Variants in TRIM2 observed in about 807,000 individuals in gnomAD.
The protein encoded by TRIM2 is tripartite motif containing 2, also known as tripartite motif-containing protein 2.
In TRIM2, 20 loss-of-function variants were observed where a neutral mutation model predicts 75.2. That is an observed-to-expected ratio of 0.27 (90% CI 0.19 to 0.39). The LOEUF (loss-of-function observed/expected upper bound fraction) is 0.39. Ranked by LOEUF, TRIM2 falls within the 10% of genes least tolerant of loss-of-function variation. The pLI is 1.00. For missense variants in TRIM2, 660 were observed against 990.8 expected (o/e 0.67, Z 4.48); for synonymous variants, 373 against 388.3 (o/e 0.96, Z 0.46).
intron 1 of TRIM2, among the ~76,000 whole-genome samples, chr4:153,238,121 G>T (rs762842481): frequency 6.6e-6 from 1 of 152,086 alleles, no homozygotes; most frequent in Non-Finnish European, 1.5e-5. Flanking sequence ...TTGTCCTTCT[G>T]CCCCTCTCCC....
At chr4:153,320,973 A>G (rs1002218016) in intron 8 of TRIM2, among the ~76,000 whole-genome samples, 2 of 152,092 alleles carry the variant, frequency 1.3e-5, no homozygotes, top group Non-Finnish European at 2.9e-5. Context: ...CTTCCCTCCA[A>G]CACGTCAAGC....
intron 6 of TRIM2, among the ~76,000 whole-genome samples, chr4:153,304,673 A>G (rs1256981368): frequency 1.3e-5 from 2 of 152,112 alleles, no homozygotes; most frequent in Non-Finnish European, 2.9e-5. Context: ...AGTGTGGTCC[A>G]TAAACCACAT....
rs1447508103 is a variant in TRIM2 at position 153,276,060 on chromosome 4, C to A, written c.383C>A (p.Ser128Tyr). 6.2e-7 allele frequency: 1 copy of A among 1,614,244 alleles called. No homozygotes were observed. Among genetic ancestry groups the A allele is most frequent in the East Asian group, 2.2e-5 (1 of 44,892 alleles). Residue 128 changes from serine to tyrosine, a missense_variant, in exon 3 of 12, where the codon TCT (serine) becomes TAT (tyrosine). Physicochemically the swap from Ser to Tyr is moderately radical, Grantham distance 144 (BLOSUM62 -2). Around this residue, in one of 2 missense-constraint regions of TRIM2, gnomAD observed 620 missense variants for 891.0 expected, o/e 0.70. Coordinates refer to ENST00000338700, the MANE Select transcript of TRIM2 (RefSeq NM_015271.5). ...ACTCCAGGCAGCAACGCTGAGGAGT[C>A]TTCCATCCTGGAGACAGTCACTGCT... is the stretch of plus-strand genomic sequence containing the variant. The part of the protein sequence containing the change: ...QRTPGSNAEE[S>Y]SILETVTAVA...
Position 153,294,390 on chromosome 4 carries a change from A to G in TRIM2, c.691A>G (p.Ile231Val). 6.2e-7 allele frequency: 1 copy of G among 1,614,168 alleles called. No individual in the cohort carries two copies. Among genetic ancestry groups the G allele is most frequent in the Non-Finnish European group, 8.5e-7 (1 of 1,180,030 alleles). Residue 231 changes from isoleucine (I) to valine (V), a missense_variant, in exon 5 of 12, where the codon ATT becomes GTT. Ile to Val is a conservative substitution (Grantham distance 29). This residue lies in a region of TRIM2 where 620 missense variants were observed against 891.0 expected (regional missense o/e 0.70). Coordinates refer to ENST00000338700, the MANE Select transcript of TRIM2 (RefSeq NM_015271.5). ...CCAAAAGGCCAGCATCGTGGATGACATTCATTCCACCTTTGATGAGCTCCA... is the reference window on the plus strand; with the variant it reads ...CCAAAAGGCCAGCATCGTGGATGACGTTCATTCCACCTTTGATGAGCTCCA... ...TNQKASIVDD[I>V]HSTFDELQKT...
intron 1 of TRIM2, among the ~76,000 whole-genome samples, chr4:153,244,269 T>C (rs1381097544): frequency 0.027 from 193 of 7,140 alleles, 2 homozygotes; most frequent in African/African-American, 0.098. Flanking sequence ...CTCCTCCTCC[T>C]CCTCCTCCTC....
chr4:153,334,684 T>TC, intron 11 of TRIM2, 130 bp from the exon 12 acceptor site: 1 of 830,854 alleles, frequency 1.2e-6, no homozygotes, highest in Non-Finnish European at 1.8e-6. Context: ...CCAGCCTGGG[T>TC]GTCAGAGTGA....
chr4:153,335,563 G>C lies in TRIM2; in HGVS notation c.*597G>C, dbSNP rs1207616111. The C allele has an allele frequency of 1.0e-6, 1 of 985,280 alleles. No individual in the cohort carries two copies. The highest frequency in any genetic ancestry group is 1.2e-6 in the Non-Finnish European group (1 of 829,926). 61.0% of individuals were successfully genotyped at this position (985,280 alleles called of 1,614,324 possible). A position where few individuals can be genotyped will look rare whatever the true frequency, so the allele number is the denominator to read the frequency against. ...TCTGGAGTTCAGAACTTAAGTATCA[G>C]TGCAAATTTCTCAACCTTTCTGGGT... On this transcript the variant is annotated 3_prime_UTR_variant, in exon 12 of 12. Transcript: ENST00000338700.
intron 1 of TRIM2, among the ~76,000 whole-genome samples, chr4:153,262,316 G>C (rs1403894263): frequency 6.6e-6 from 1 of 152,148 alleles, no homozygotes; most frequent in East Asian, 1.9e-4. Context: ...CAGGGGGCTA[G>C]GGAATGGGGA....
intron 1 of TRIM2, among the ~76,000 whole-genome samples, chr4:153,187,475 A>T (rs2149650852): frequency 6.6e-6 from 1 of 152,294 alleles, no homozygotes; most frequent in Middle Eastern, 3.4e-3. Context: ...CAAGGGAGAG[A>T]TCAAGAGGAA....
intron 3 of TRIM2, 58 bp from the exon 4 acceptor site, chr4:153,292,924 T>A: frequency 6.8e-7 from 1 of 1,477,780 alleles, no homozygotes; most frequent in Non-Finnish European, 9.1e-7. Flanking sequence ...GTGCTTAGTG[T>A]AGAGTAAGCC....
chr4:153,186,843 C>T (rs939001813), intron 1 of TRIM2, among the ~76,000 whole-genome samples: 1 of 152,170 alleles, frequency 6.6e-6, no homozygotes. Flanking sequence ...CAAGCTCTAC[C>T]TGTGTGGGGA....
chr4:153,166,225 C>T (rs904345054), intron 1 of TRIM2, among the ~76,000 whole-genome samples: 2 of 152,134 alleles, frequency 1.3e-5, no homozygotes, highest in Admixed American at 1.3e-4. Flanking sequence ...TGTATTGTTT[C>T]TTTGTCCTTT....
intron 1 of TRIM2, among the ~76,000 whole-genome samples, chr4:153,154,722 G>A (rs1729063578): frequency 6.6e-6 from 1 of 152,164 alleles, no homozygotes; most frequent in African/African-American, 2.4e-5. Flanking sequence ...CCAATTGCTT[G>A]TACACACATG....
At chr4:153,171,824 T>C (rs1220630433) in intron 1 of TRIM2, among the ~76,000 whole-genome samples, 1 of 147,744 alleles carries the variant, frequency 6.8e-6, no homozygotes, top group East Asian at 2.0e-4. Context: ...CTTTTTGCCA[T>C]ATTTTCGTTT....
At chr4:153,193,314 G>A (rs1453831563) in intron 1 of TRIM2, among the ~76,000 whole-genome samples, 1 of 151,796 alleles carries the variant, frequency 6.6e-6, no homozygotes, top group Non-Finnish European at 1.5e-5. Context: ...TGTATTTTTA[G>A]TAGAGACAGG....
chr4:153,207,460 C>T (rs1051555865), intron 1 of TRIM2, among the ~76,000 whole-genome samples: 2 of 152,188 alleles, frequency 1.3e-5, no homozygotes, highest in Non-Finnish European at 2.9e-5. Flanking sequence ...GTCTGTATTC[C>T]TTCAGCCAAA....
chr4:153,176,416 G>T (rs1731438653), intron 1 of TRIM2, among the ~76,000 whole-genome samples: 2 of 151,780 alleles, frequency 1.3e-5, no homozygotes. Context: ...TTAAACTACT[G>T]CACTCCAGAC....
intron 8 of TRIM2, among the ~76,000 whole-genome samples, chr4:153,317,212 T>C (rs2149533615): frequency 6.6e-6 from 1 of 151,884 alleles, no homozygotes; most frequent in Admixed American, 6.6e-5. Flanking sequence ...CTGTCCAGCC[T>C]ACTAGAGGCT....
Position 153,295,268 on chromosome 4 carries a change from C to T in TRIM2, c.787-45C>T. 1 of 1,517,096 alleles carries T rather than the reference C, an allele frequency of 6.6e-7. No individual in the cohort carries two copies. The highest frequency in any genetic ancestry group is 2.4e-5 in the East Asian group (1 of 42,198). The allele number at this position is 1,517,096 out of a possible 1,614,324, so 94.0% of individuals were successfully genotyped here. Reference sequence around the variant, plus strand: ...TGGAGGGCACTGCCCCGGGCTAGGCCCCGCCCTGTGGGACGAGCTCACCAG... The same window carrying T: ...TGGAGGGCACTGCCCCGGGCTAGGCTCCGCCCTGTGGGACGAGCTCACCAG... On this transcript the variant is annotated intron_variant, in intron 5 of 11. Transcript: ENST00000338700. The surrounding 1 kb of genome is among the most constrained non-coding windows in gnomAD (Gnocchi z 7.2).
Sources: allele counts gnomAD v4.1 joint callset (sites outside exome capture counted in the v4.1 genomes callset), GRCh38; gene constraint gnomAD v4.1.1; regional missense constraint gnomAD v4.1.1; non-coding constraint Gnocchi (gnomAD v3.1); transcripts MANE v1.5; gene names NCBI Gene and HGNC (gene_info 2026-07-23, HGNC 2026-07-21).